CNOT9: variants seen among roughly 807,000 people sequenced by gnomAD.
The protein encoded by CNOT9 is CCR4-NOT transcription complex subunit 9, also known as RCD1 required for cell differentiation1 homolog.
CNOT9 carries 8 observed loss-of-function variants against 37.4 expected under a neutral mutation model. That is an observed-to-expected ratio of 0.21 (90% confidence interval 0.13 to 0.39). The LOEUF is 0.39. Among genes scored for constraint, CNOT9 ranks in the 10% least tolerant of loss-of-function variants. The pLI is 1.00. For missense variants in CNOT9, 154 were observed against 365.3 expected, an observed-to-expected ratio of 0.42 and a Z score of 4.71; for synonymous variants, 120 against 137.6, an observed-to-expected ratio of 0.87 and a Z score of 0.90.
intron 5 of CNOT9, among the ~76,000 whole-genome samples, chr2:218,590,797 C>CTTGTTG (rs72308011): frequency 0.031 from 4,727 of 150,794 alleles, 107 homozygotes; most frequent in East Asian, 0.11. Flanking sequence ...CTACATCTCT[C>CTTGTTG]TTGTTGTTGT....
Position 218,582,105 on chromosome 2 carries a change from T to C in CNOT9, c.205-866T>C, listed in dbSNP as rs151187821. ...CAAAAAAAAAGAAAAAAAATGTAAATGGAATTGTATTGAGTAAATCATTAC... is the reference window on the plus strand; with the variant it reads ...CAAAAAAAAAGAAAAAAAATGTAAACGGAATTGTATTGAGTAAATCATTAC... On this transcript the variant is annotated intron_variant, in intron 2 of 7. Transcript: ENST00000273064. Among the ~76,000 whole-genome samples, 857 of 151,940 alleles carry C rather than the reference T, an allele frequency of 5.6e-3. 6 individuals are homozygous for C. Among genetic ancestry groups the C allele is most frequent in the Middle Eastern group, 0.048 (14 of 294 alleles).
At chr2:218,574,713 C>T (rs1694109244) in intron 1 of CNOT9, among the ~76,000 whole-genome samples, 5 of 152,140 alleles carry the variant, frequency 3.3e-5, no homozygotes, top group Non-Finnish European at 5.9e-5. Flanking sequence ...ATAAATATTA[C>T]TGCATATTAA....
Position 218,592,557 on chromosome 2 carries a change from G to C in CNOT9, c.640-59G>C. On this transcript the variant is annotated intron_variant, in intron 6 of 7. Coordinates refer to ENST00000273064, the MANE Select transcript of CNOT9 (RefSeq NM_005444.3). This position sits in a 1 kb window ranked among gnomAD's most constrained non-coding sequence, Gnocchi z 4.1. Reference sequence around the variant, plus strand: ...ACTATCTGATCTCTGATGTCAATTAGAATTTGTTTGTGTTTTGTGTGTTTT... The same window carrying C: ...ACTATCTGATCTCTGATGTCAATTACAATTTGTTTGTGTTTTGTGTGTTTT... 4 of 1,562,854 alleles carry C rather than the reference G, an allele frequency of 2.6e-6. No individual in the cohort carries two copies. The highest frequency in any genetic ancestry group is 3.5e-6 in the Non-Finnish European group (4 of 1,133,444).
At chr2:218,570,866 T>G (rs1693967593) in intron 1 of CNOT9, among the ~76,000 whole-genome samples, 1 of 152,238 alleles carries the variant, frequency 6.6e-6, no homozygotes, top group Non-Finnish European at 1.5e-5. Context: ...AATTTTAAAA[T>G]TTGAACTTTT....
chr2:218,578,624 T>C (rs1694257068), intron 1 of CNOT9, among the ~76,000 whole-genome samples: 1 of 152,202 alleles, frequency 6.6e-6, no homozygotes, highest in Admixed American at 6.5e-5. Context: ...ACATTAGTGA[T>C]CTCATCTGCA....
chr2:218,593,908 A>T, intron 7 of CNOT9, 200 bp from the exon 8 acceptor site: 1 of 1,016,722 alleles, frequency 9.8e-7, no homozygotes, highest in Non-Finnish European at 1.3e-6. Context: ...GGCATCATTC[A>T]GAAAATATTT....
At chr2:218,572,945 G>C (rs116227657) in intron 1 of CNOT9, among the ~76,000 whole-genome samples, 3,311 of 152,196 alleles carry the variant, frequency 0.022, 120 homozygotes, top group African/African-American at 0.073. Flanking sequence ...TTCTCCTCCC[G>C]AGTCTCCTGA....
At chr2:218,586,947 A>G (rs1694614906) in intron 4 of CNOT9, among the ~76,000 whole-genome samples, 1 of 152,224 alleles carries the variant, frequency 6.6e-6, no homozygotes, top group African/African-American at 2.4e-5. Context: ...ATTTCTTTAA[A>G]AGAACAAAGT....
intron 1 of CNOT9, among the ~76,000 whole-genome samples, chr2:218,571,511 T>C (rs1693990240): frequency 1.3e-5 from 2 of 152,120 alleles, no homozygotes; most frequent in Non-Finnish European, 2.9e-5. Flanking sequence ...GGGAAGTATC[T>C]TAAATTTTGA....
intron 3 of CNOT9, among the ~76,000 whole-genome samples, chr2:218,584,222 A>G (rs1364002708): frequency 6.6e-6 from 1 of 152,182 alleles, no homozygotes; most frequent in Non-Finnish European, 1.5e-5. Flanking sequence ...TGTGATCTGG[A>G]CTAGGGTTTT....
At chr2:218,580,405 C>T (rs1694333707) in intron 1 of CNOT9, among the ~76,000 whole-genome samples, 156 bp from the exon 2 acceptor site, 1 of 152,230 alleles carries the variant, frequency 6.6e-6, no homozygotes, top group African/African-American at 2.4e-5. Context: ...TCATCAGTAA[C>T]TACCAAAGAG....
rs545733107 is a variant in CNOT9 at position 218,580,522 on chromosome 2, C to A, written c.25-39C>A. On this transcript the variant is annotated intron_variant, in intron 1 of 7. Transcript: ENST00000273064. ...TTGCAGGGTAAGACTTGGTTTGACT[C>A]TAATAAACTGATATTTACTTTCTTG... 11 of 1,548,002 alleles carry A rather than the reference C, an allele frequency of 7.1e-6. No homozygotes were observed. In the East Asian group the frequency reaches 2.5e-4, roughly 35 times the overall value.
intron 1 of CNOT9, among the ~76,000 whole-genome samples, chr2:218,576,968 A>AC (rs1574986565): frequency 6.7e-6 from 1 of 149,196 alleles, no homozygotes; most frequent in Non-Finnish European, 1.5e-5. Flanking sequence ...CTCCATCTCA[A>AC]AAAAAAAAAA....
chr2:218,586,758 G>A (rs1265856931), intron 4 of CNOT9, among the ~76,000 whole-genome samples: 1 of 152,164 alleles, frequency 6.6e-6, no homozygotes, highest in South Asian at 2.1e-4. Context: ...CCAAAGTGCT[G>A]TGATTACAGG....
At position 218,592,757 on chromosome 2, in the gene CNOT9, A is replaced by G. The variant is rs767418995; in HGVS notation, c.731+50A>G. The G allele has an allele frequency of 1.7e-5, 24 of 1,441,206 alleles. No individual in the cohort carries two copies. Among genetic ancestry groups the G allele is most frequent in the Non-Finnish European group, 2.2e-5 (23 of 1,022,844 alleles). 89.3% of individuals were successfully genotyped at this position (1,441,206 alleles called of 1,614,324 possible). Reference sequence around the variant, plus strand: ...ACTTTAGGGAAATACTCTGCTGAACAGTTTCCTAATCTCATGGCATAGCTC... The same window carrying G: ...ACTTTAGGGAAATACTCTGCTGAACGGTTTCCTAATCTCATGGCATAGCTC... On this transcript the variant is annotated intron_variant, in intron 7 of 7. Transcript: ENST00000273064. The surrounding 1 kb of genome is among the most constrained non-coding windows in gnomAD (Gnocchi z 4.1).
intron 2 of CNOT9, among the ~76,000 whole-genome samples, chr2:218,582,157 C>T (rs1694409077): frequency 1.3e-5 from 2 of 152,116 alleles, no homozygotes; most frequent in Non-Finnish European, 2.9e-5. Flanking sequence ...CATATATTCA[C>T]TGCTGTTTAT....
At chr2:218,589,730 A>C (rs1255739069) in intron 5 of CNOT9, among the ~76,000 whole-genome samples, 3 of 152,190 alleles carry the variant, frequency 2.0e-5, no homozygotes, top group Non-Finnish European at 4.4e-5. Flanking sequence ...ATAGCCTTGA[A>C]CTCCGGGGCT....
chr2:218,587,560 A>G, intron 4 of CNOT9, 26 bp from the exon 5 acceptor site: 1 of 1,557,378 alleles, frequency 6.4e-7, no homozygotes, highest in South Asian at 1.2e-5. Flanking sequence ...CTGTAAAATA[A>G]TTTTGTTTGT....
intron 4 of CNOT9, among the ~76,000 whole-genome samples, chr2:218,585,896 C>G (rs1204044035): frequency 2.6e-5 from 4 of 152,072 alleles, no homozygotes; most frequent in African/African-American, 9.7e-5. Context: ...CCCACCTTGG[C>G]CTCCCAAAGT....
Sources: allele counts gnomAD v4.1 joint callset (sites outside exome capture counted in the v4.1 genomes callset), GRCh38; gene constraint gnomAD v4.1.1; non-coding constraint Gnocchi (gnomAD v3.1); transcripts MANE v1.5; gene names NCBI Gene and HGNC (gene_info 2026-07-23, HGNC 2026-07-21).